The following MGST1 variants were observed in gnomAD, a reference collection of about 807,000 sequenced individuals.
The protein encoded by MGST1 is microsomal glutathione S-transferase 1.
A neutral mutation model predicts 8.9 loss-of-function variants in MGST1; 5 were observed. The observed-to-expected ratio is 0.56, with a 90% CI of 0.29 to 1.19. MGST1 has a LOEUF of 1.19. Among genes scored for constraint, MGST1 ranks in the 50% most tolerant of loss-of-function variants. MGST1 has a pLI of 0.08. For synonymous variants in MGST1, 54 were observed against 67.8 expected (o/e 0.80, Z 1.00); for missense variants, 182 against 187.4 (o/e 0.97, Z 0.17).
At chr12:16,515,835 C>T (rs534470262) in intron 4 of MGST1, among the ~76,000 whole-genome samples, 204 of 152,084 alleles carry the variant, frequency 1.3e-3, no homozygotes, top group African/African-American at 4.9e-3. Context: ...TGTGGTTGTG[C>T]ATTTGCTCAT....
At chr12:16,574,436 C>T (rs1942929645) in intron 4 of MGST1, among the ~76,000 whole-genome samples, 1 of 152,048 alleles carries the variant, frequency 6.6e-6, no homozygotes, top group Non-Finnish European at 1.5e-5. Context: ...CTAAAATCTC[C>T]TGTGACAGAT....
chr12:16,545,756 C>T (rs887872740), intron 4 of MGST1, among the ~76,000 whole-genome samples: 2 of 152,056 alleles, frequency 1.3e-5, no homozygotes, highest in Non-Finnish European at 2.9e-5. Context: ...AAAGAGCTCC[C>T]AAACAGATTG....
chr12:16,554,598 C>T (rs1942116781), intron 4 of MGST1, among the ~76,000 whole-genome samples: 1 of 152,226 alleles, frequency 6.6e-6, no homozygotes, highest in Admixed American at 6.5e-5. Flanking sequence ...ACACTACCCA[C>T]ACCCCAAATC....
intron 2 of MGST1, chr12:16,357,376 C>T: frequency 5.1e-6 from 2 of 395,222 alleles, no homozygotes; most frequent in South Asian, 4.7e-5. Flanking sequence ...CCTCCAACCT[C>T]AACCTCCTGA....
At chr12:16,347,416 C>T (rs2136891370), upstream of MGST1, among the ~76,000 whole-genome samples, 1 of 152,250 alleles carries the variant, frequency 6.6e-6, no homozygotes, top group Non-Finnish European at 1.5e-5. This position sits in a 1 kb window ranked among gnomAD's most constrained non-coding sequence, Gnocchi z 4.0. Context: ...GCTACTGTCC[C>T]CCTTCCCACT....
intron 1 of MGST1, among the ~76,000 whole-genome samples, chr12:16,398,166 A>C (rs1402558234): frequency 6.6e-6 from 1 of 152,010 alleles, no homozygotes; most frequent in African/African-American, 2.4e-5. Context: ...CTTACTGCTA[A>C]GGAGAAAAAA....
At position 16,560,576 on chromosome 12, in the gene MGST1, T is replaced by TA; in HGVS notation, n.483-28951dup. 1.3e-6 allele frequency: 2 copies of TA among 1,582,312 alleles called. No homozygotes were observed. Among genetic ancestry groups the TA allele is most frequent in the Non-Finnish European group, 1.7e-6 (2 of 1,158,156 alleles). ...ACATTTTTTTTTTTTTACAAACTCT[T>TA]ACAGAGAAATCTGAGATCGTGAAGA... On this transcript the variant is annotated intron_variant and non_coding_transcript_variant, in intron 4 of 4. Coordinates refer to the MGST1 transcript ENST00000538857. This position sits in a 1 kb window ranked among gnomAD's most constrained non-coding sequence, Gnocchi z 5.0.
rs1288320017 is a variant in MGST1 at position 16,500,976 on chromosome 12, T to G, written n.483-88552T>G. On this transcript the variant is annotated intron_variant and non_coding_transcript_variant, in intron 4 of 4. Transcript: ENST00000538857. The surrounding 1 kb of genome is among the most constrained non-coding windows in gnomAD (Gnocchi z 4.3). ...AAAAACTTAGCTGGGTATGGTGGTGTGCACCTGTAGTCCCAGCTACTTGGT... is the reference window on the plus strand; with the variant it reads ...AAAAACTTAGCTGGGTATGGTGGTGGGCACCTGTAGTCCCAGCTACTTGGT... 6.6e-6 allele frequency among the ~76,000 whole-genome samples: 1 copy of G among 151,676 alleles called. No homozygotes were observed. The highest frequency in any genetic ancestry group is 1.5e-5 in the Non-Finnish European group (1 of 67,940).
At chr12:16,471,254 T>A (rs1369140783) in intron 4 of MGST1, among the ~76,000 whole-genome samples, 1 of 152,206 alleles carries the variant, frequency 6.6e-6, no homozygotes, top group Non-Finnish European at 1.5e-5. Flanking sequence ...CACACTTGCC[T>A]CCGGCAGTGG....
chr12:16,475,964 A>G (rs1941320113), intron 4 of MGST1, among the ~76,000 whole-genome samples: 1 of 152,078 alleles, frequency 6.6e-6, no homozygotes, highest in Non-Finnish European at 1.5e-5. Flanking sequence ...TGAAAAGAAA[A>G]AAAAAAAATA....
chr12:16,395,780 C>CATAT lies in MGST1; in HGVS notation n.778+12198_778+12201dup, dbSNP rs369986291. On this transcript the variant is annotated intron_variant and non_coding_transcript_variant, in intron 1 of 1. Coordinates refer to the MGST1 transcript ENST00000359720. ...CTTTAATGGCTGAGTAGTATTCCAT[C>CATAT]ATATATATATATATATATATATATA... is the stretch of plus-strand genomic sequence containing the variant. Among the ~76,000 whole-genome samples, 292 of 121,866 alleles carry CATAT rather than the reference C, an allele frequency of 2.4e-3. 4 individuals carry two copies. The highest frequency in any genetic ancestry group is 4.1e-3 in the Middle Eastern group (1 of 242). The allele number at this position is 121,866 out of a possible 152,430, so 79.9% of individuals were successfully genotyped here. A position where few individuals can be genotyped will look rare whatever the true frequency, so the allele number is the denominator to read the frequency against.
intron 1 of MGST1, among the ~76,000 whole-genome samples, chr12:16,395,592 C>G (rs1310738412): frequency 6.6e-6 from 1 of 151,536 alleles, no homozygotes; most frequent in Non-Finnish European, 1.5e-5. Flanking sequence ...CCCCCAAGTC[C>G]CCAAAGTCCA....
downstream of MGST1, among the ~76,000 whole-genome samples, chr12:16,439,233 C>A (rs1012451315): frequency 5.3e-5 from 8 of 151,618 alleles, no homozygotes; most frequent in Non-Finnish European, 7.4e-5. Context: ...ATGACATGGG[C>A]AACATTAAAA....
In MGST1 at chr12:16,458,729, G is replaced by T. The variant is rs1180435968; in HGVS notation, n.482+75125G>T. Among the ~76,000 whole-genome samples the T allele has an allele frequency of 1.3e-5, 2 of 151,998 alleles. No homozygotes were observed. Among genetic ancestry groups the T allele is most frequent in the Non-Finnish European group, 2.9e-5 (2 of 67,974 alleles). On this transcript the variant is annotated intron_variant and non_coding_transcript_variant, in intron 4 of 4. Transcript: ENST00000538857. This position sits in a 1 kb window ranked among gnomAD's most constrained non-coding sequence, Gnocchi z 4.0. ...ATATCATCATTTTACTGTAAACAGAGGTTTCATATGACTGGAATTGCAGCT... is the reference window on the plus strand; with the variant it reads ...ATATCATCATTTTACTGTAAACAGATGTTTCATATGACTGGAATTGCAGCT...
intron 4 of MGST1, among the ~76,000 whole-genome samples, chr12:16,480,235 TG>T (rs1941355880): frequency 6.7e-6 from 1 of 149,146 alleles, no homozygotes; most frequent in Non-Finnish European, 1.5e-5. Flanking sequence ...CTCCACCTCC[TG>T]GGTTCAAGCA....
exon 4 of MGST1, chr12:16,376,189 C>A: frequency 1.1e-6 from 1 of 925,098 alleles, no homozygotes; most frequent in Non-Finnish European, 1.6e-6. Context: ...TAACCAATTG[C>A]TGATGAAGAA....
At chr12:16,421,248 C>A (rs1272509813) in intron 1 of MGST1, among the ~76,000 whole-genome samples, 1 of 152,098 alleles carries the variant, frequency 6.6e-6, no homozygotes, top group Non-Finnish European at 1.5e-5. Flanking sequence ...CATATCTCCC[C>A]CTACTGATCA....
At chr12:16,449,444 A>G (rs1447143556) in intron 4 of MGST1, among the ~76,000 whole-genome samples, 1 of 151,926 alleles carries the variant, frequency 6.6e-6, no homozygotes, top group Non-Finnish European at 1.5e-5. Flanking sequence ...TTACACTTCA[A>G]CATTTAAGAC....
At chr12:16,462,425 T>C (rs1326887774) in intron 4 of MGST1, among the ~76,000 whole-genome samples, 1 of 152,162 alleles carries the variant, frequency 6.6e-6, no homozygotes, top group East Asian at 1.9e-4. Flanking sequence ...CTGTCTTGTG[T>C]AACACAAGCA....
Sources: gnomAD v4.1 joint callset for allele counts (sites outside exome capture counted in the v4.1 genomes callset) on GRCh38, gnomAD v4.1.1 for gene constraint, Gnocchi (gnomAD v3.1) non-coding constraint, MANE v1.5 for transcripts, NCBI Gene and HGNC (gene_info 2026-07-23, HGNC 2026-07-21) for gene names.